Variants in MEGF11 observed in about 807,000 individuals in gnomAD.
MEGF11 encodes multiple epidermal growth factor-like domains protein 11.
Under a neutral mutation model 146.6 loss-of-function variants are expected in MEGF11, and 126 were observed. The ratio of observed to expected loss-of-function variants is 0.86; its 90% CI spans 0.74 to 1.00. The LOEUF (loss-of-function observed/expected upper bound fraction) is 1.00, where lower values mean the gene tolerates loss of function less well. Among genes scored for constraint, MEGF11 ranks in the 50% least tolerant of loss-of-function variants. MEGF11 has a pLI of 0.00. For synonymous variants in MEGF11, 532 were observed against 583.4 expected (o/e 0.91, Z 1.27); for missense variants, 1,509 against 1,521.2 (o/e 0.99, Z 0.13).
Position 65,922,979 on chromosome 15 carries a change from A to G in MEGF11, c.1676-10T>C. The G allele has an allele frequency of 6.2e-7, 1 of 1,611,818 alleles. No homozygotes were observed. Among genetic ancestry groups the G allele is most frequent in the Non-Finnish European group, 8.5e-7 (1 of 1,179,290 alleles). On this transcript the variant is annotated splice_polypyrimidine_tract_variant and intron_variant, in intron 13 of 25. Coordinates refer to ENST00000395614, the MANE Select transcript of MEGF11 (RefSeq NM_001385028.1). ...CTGTCACAGCGGATGCCTGTGGGCC[A>G]GAGGCAGACTCGGGTCAGTGGTAAG...
intron 10 of MEGF11, among the ~76,000 whole-genome samples, chr15:65,950,544 G>A (rs1019284538): frequency 2.0e-5 from 3 of 151,470 alleles, no homozygotes; most frequent in African/African-American, 7.3e-5. Context: ...TCGCACCACT[G>A]CATTCCAGCC....
intron 23 of MEGF11, among the ~76,000 whole-genome samples, 185 bp from the exon 24 acceptor site, chr15:65,906,326 C>G (rs1320855597): frequency 1.3e-5 from 2 of 151,716 alleles, no homozygotes; most frequent in Non-Finnish European, 2.9e-5. Context: ...ATAAATGATT[C>G]TGGGTTTAAT....
intron 1 of MEGF11, among the ~76,000 whole-genome samples, chr15:66,159,120 C>T (rs960240483): frequency 1.3e-5 from 2 of 152,170 alleles, no homozygotes; most frequent in Admixed American, 6.5e-5. Context: ...GATGTTTTCA[C>T]GACCATGATC....
intron 4 of MEGF11, among the ~76,000 whole-genome samples, chr15:66,116,533 G>A (rs1208574905): frequency 6.6e-6 from 1 of 152,170 alleles, no homozygotes; most frequent in African/African-American, 2.4e-5. Context: ...ATCTTGCGTA[G>A]CAAGAAGTAA....
At chr15:66,124,115 G>C in intron 2 of MEGF11, 115 bp from the exon 3 acceptor site, 2 of 815,730 alleles carry the variant, frequency 2.5e-6, no homozygotes, top group Non-Finnish European at 4.1e-6. Context: ...CAAGTGTCCG[G>C]AGGCTCTGAC....
chr15:65,917,076 C>G, intron 16 of MEGF11, 120 bp from the exon 17 acceptor site: 5 of 1,161,778 alleles, frequency 4.3e-6, no homozygotes, highest in African/African-American at 1.6e-5. Context: ...CTGACATTTC[C>G]TGGCTTTCAG....
At chr15:66,128,777 A>G (rs2088509779) in intron 1 of MEGF11, among the ~76,000 whole-genome samples, 1 of 152,104 alleles carries the variant, frequency 6.6e-6, no homozygotes, top group South Asian at 2.1e-4. Flanking sequence ...GGACTGCTTT[A>G]AAGGGAATGC....
At chr15:66,243,403 C>A (rs1438412849) in intron 1 of MEGF11, among the ~76,000 whole-genome samples, 1 of 152,230 alleles carries the variant, frequency 6.6e-6, no homozygotes, top group Non-Finnish European at 1.5e-5. Flanking sequence ...TGAGGACTCA[C>A]CCGTCATCCC....
intron 21 of MEGF11, among the ~76,000 whole-genome samples, chr15:65,911,084 GT>G (rs143318640): frequency 0.065 from 9,864 of 152,256 alleles, 436 homozygotes; most frequent in Non-Finnish European, 0.092. Context: ...CCAAGGGCCT[GT>G]TGACTATAAG....
intron 5 of MEGF11, among the ~76,000 whole-genome samples, chr15:66,060,232 C>G (rs978576631): frequency 2.6e-5 from 4 of 151,976 alleles, no homozygotes; most frequent in African/African-American, 9.7e-5. Context: ...AGGTGGAGGA[C>G]AGAGAGACAG....
chr15:66,235,574 C>A (rs1329611347), intron 1 of MEGF11, among the ~76,000 whole-genome samples: 30 of 152,042 alleles, frequency 2.0e-4, no homozygotes. Flanking sequence ...AAACTGACTA[C>A]CTACCCAGGG....
At chr15:66,253,526 G>T (rs1050290873) in intron 1 of MEGF11, 79 bp downstream of exon 1, 1 of 152,116 alleles carries the variant, frequency 6.6e-6, no homozygotes, top group South Asian at 2.1e-4. Context: ...CCCCAGGGCC[G>T]GAACCCCCAC....
chr15:66,028,159 G>T (rs1327564496), intron 5 of MEGF11, among the ~76,000 whole-genome samples: 2 of 152,142 alleles, frequency 1.3e-5, no homozygotes, highest in Non-Finnish European at 2.9e-5. Context: ...GTGATCAGTT[G>T]TATCCCTGTC....
Position 66,119,197 on chromosome 15 carries a change from A to G in MEGF11, c.201-11T>C. 1 of 1,538,636 alleles carries G rather than the reference A, an allele frequency of 6.5e-7. No homozygotes were observed. The highest frequency in any genetic ancestry group is 8.8e-7 in the Non-Finnish European group (1 of 1,136,268). On this transcript the variant is annotated splice_polypyrimidine_tract_variant and intron_variant, in intron 3 of 25. Coordinates refer to ENST00000395614, the MANE Select transcript of MEGF11 (RefSeq NM_001385028.1). ...GTCTTATAACTGATCCTAAGGCACA[A>G]GGGAGAAAGCCACTTGAAAGTATTG...
chr15:65,975,440 C>T (rs1190853108), intron 7 of MEGF11, among the ~76,000 whole-genome samples: 1 of 152,206 alleles, frequency 6.6e-6, no homozygotes. Flanking sequence ...AGTGGGTGAG[C>T]ACCTCTTTCA....
intron 4 of MEGF11, among the ~76,000 whole-genome samples, chr15:66,114,735 G>A (rs141423962): frequency 0.016 from 2,497 of 151,642 alleles, 31 homozygotes; most frequent in Non-Finnish European, 0.026. Flanking sequence ...CCAGGACTCC[G>A]CTGTAGCTGT....
chr15:65,975,023 T>TGGTGGGG lies in MEGF11; in HGVS notation c.763-4335_763-4334insCCCCACC, dbSNP rs1255942071. 2.0e-5 allele frequency among the ~76,000 whole-genome samples: 3 copies of TGGTGGGG among 152,132 alleles called. No individual in the cohort carries two copies. In the East Asian group the frequency reaches 5.8e-4, roughly 30 times the overall value. ...ACCACGCCCAGCTAATTTTTGGTAT[T>TGGTGGGG]TTTAGTAGAGATGGGGTTTCACCAT... On this transcript the variant is annotated intron_variant, in intron 7 of 25. Coordinates refer to ENST00000395614, the MANE Select transcript of MEGF11 (RefSeq NM_001385028.1).
intron 5 of MEGF11, among the ~76,000 whole-genome samples, chr15:66,088,180 A>G (rs1409245516): frequency 6.6e-6 from 1 of 152,252 alleles, no homozygotes; most frequent in Non-Finnish European, 1.5e-5. Flanking sequence ...TGAAATGATA[A>G]TTTAAAAATT....
chr15:65,933,687 G>A (rs2079659966), intron 10 of MEGF11, among the ~76,000 whole-genome samples: 1 of 152,204 alleles, frequency 6.6e-6, no homozygotes, highest in Non-Finnish European at 1.5e-5. Context: ...GTGTGTTAGT[G>A]CCAAGGTTAA....
Sources: gnomAD v4.1 joint callset for allele counts (sites outside exome capture counted in the v4.1 genomes callset) on GRCh38, gnomAD v4.1.1 for gene constraint, MANE v1.5 for transcripts, NCBI Gene and HGNC (gene_info 2026-07-23, HGNC 2026-07-21) for gene names.